Variants in EFNA4 observed in about 807,000 individuals in gnomAD.
The protein encoded by EFNA4 is ephrin-A4.
In EFNA4, 22 loss-of-function variants were observed where a neutral mutation model predicts 23.7. That is an observed-to-expected ratio of 0.93 (90% CI 0.66 to 1.32). The LOEUF is 1.32. EFNA4 is among the 40% of genes most tolerant of loss of function. The pLI is 0.00. For synonymous variants in EFNA4, 113 were observed against 108.3 expected (o/e 1.04, Z -0.27); for missense variants, 252 against 252.3 (o/e 1.00, Z 0.01).
chr1:155,067,454 G>A lies in EFNA4; in HGVS notation c.469+14G>A. On this transcript the variant is annotated intron_variant, in intron 3 of 3. Coordinates refer to ENST00000368409, the MANE Select transcript of EFNA4 (RefSeq NM_005227.3). ...GCAAGGAGAGGAGTAAGTGGGTTGG[G>A]AGCATGGACCCTACTGGCTAATGTG... The A allele has an allele frequency of 1.2e-6, 2 of 1,614,128 alleles. No individual in the cohort carries two copies. Among genetic ancestry groups the A allele is most frequent in the Middle Eastern group, 1.6e-4 (1 of 6,062 alleles).
chr1:155,069,093 C>G lies in EFNA4; in HGVS notation c.*104C>G. Reference sequence around the variant, plus strand: ...CTGCACTGGGGGTGCCAATTCAGACCGACAAGATGGAGCATTGATGGGGGA... The same window carrying G: ...CTGCACTGGGGGTGCCAATTCAGACGGACAAGATGGAGCATTGATGGGGGA... On this transcript the variant is annotated 3_prime_UTR_variant, in exon 4 of 4. Coordinates refer to ENST00000368409, the MANE Select transcript of EFNA4 (RefSeq NM_005227.3). The G allele has an allele frequency of 6.2e-7, 1 of 1,610,866 alleles. No individual in the cohort carries two copies. Among genetic ancestry groups the G allele is most frequent in the South Asian group, 1.1e-5 (1 of 90,858 alleles).
chr1:155,068,911 A>AG lies in EFNA4; in HGVS notation c.535dup (p.Asp179GlyfsTer65), dbSNP rs754580525. 5 of 1,613,552 alleles carry AG rather than the reference A, an allele frequency of 3.1e-6. No individual in the cohort carries two copies. Among genetic ancestry groups the AG allele is most frequent in the African/African-American group, 1.3e-5 (1 of 74,780 alleles). ...GAGAGAGTGGCACATCAGGGTGGCG[A>AG]GGGGGGGACACTCCCAGCCCCCTCT... is the stretch of plus-strand genomic sequence containing the variant. On this transcript the variant is annotated frameshift_variant, in exon 4 of 4. Coordinates refer to ENST00000368409, the MANE Select transcript of EFNA4 (RefSeq NM_005227.3). LOFTEE classifies it high-confidence loss of function.
chr1:155,066,565 T>G (rs1279172046), intron 1 of EFNA4, among the ~76,000 whole-genome samples, 165 bp from the exon 2 acceptor site: 4 of 152,202 alleles, frequency 2.6e-5, no homozygotes, highest in Non-Finnish European at 5.9e-5. Context: ...TCTCTTTGTC[T>G]CTCAAGAGTT....
chr1:155,067,112 A>T (rs1319819620), intron 2 of EFNA4, 96 bp downstream of exon 2: 1 of 1,425,252 alleles, frequency 7.0e-7, no homozygotes, highest in Non-Finnish European at 9.5e-7. Flanking sequence ...TGGGTCTCTA[A>T]TGTACATCGG....
At position 155,068,390 on chromosome 1, in the gene EFNA4, C is replaced by T. The variant is rs1035939619; in HGVS notation, c.470-463C>T. Among the ~76,000 whole-genome samples the T allele has an allele frequency of 2.9e-5, 4 of 137,726 alleles. 1 individual carries two copies. The highest frequency in any genetic ancestry group is 1.1e-4 in the African/African-American group (4 of 37,674). 90.4% of individuals were successfully genotyped at this position (137,726 alleles called of 152,430 possible). On this transcript the variant is annotated intron_variant, in intron 3 of 3. Transcript: ENST00000368409. ...AAGCAATTCTCCTGCCTCAGTATTC[C>T]GAGTAGCTAGGACTACAGGTGTGTG... is the stretch of plus-strand genomic sequence containing the variant.
chr1:155,064,039 C>G (rs1407942036), intron 1 of EFNA4, 103 bp downstream of exon 1: 5 of 874,068 alleles, frequency 5.7e-6, no homozygotes, highest in Non-Finnish European at 8.0e-6. Flanking sequence ...TGAGCCTGGC[C>G]GCGCGCCGGG....
chr1:155,064,210 G>T (rs1467465255), intron 1 of EFNA4, among the ~76,000 whole-genome samples: 3 of 152,214 alleles, frequency 2.0e-5, no homozygotes, highest in African/African-American at 7.2e-5. Flanking sequence ...GCCTTTGCCC[G>T]CACTCCGGGC....
Position 155,066,815 on chromosome 1 carries a change from C to T in EFNA4, c.199C>T (p.Pro67Ser), listed in dbSNP as rs1663057149. The change falls in exon 2 of 4, where the codon CCT becomes TCT. Residue 67 changes from proline to serine, a missense_variant. Pro to Ser is a moderately conservative substitution (Grantham distance 74, BLOSUM62 -1). Coordinates refer to ENST00000368409, the MANE Select transcript of EFNA4 (RefSeq NM_005227.3). Reference sequence around the variant, plus strand: ...CCCCCACTACGAAGGCCCAGGGCCCCCTGAGGGCCCCGAGACGTTTGCTTT... The same window carrying T: ...CCCCCACTACGAAGGCCCAGGGCCCTCTGAGGGCCCCGAGACGTTTGCTTT... The part of the protein sequence containing the change: ...VCPHYEGPGP[P>S]EGPETFALYM... 2.5e-6 allele frequency: 4 copies of T among 1,613,806 alleles called. No homozygotes were observed. In the South Asian group the frequency reaches 3.3e-5, roughly 13 times the overall value.
chr1:155,066,211 T>C (rs1384941709), intron 1 of EFNA4, among the ~76,000 whole-genome samples: 2 of 152,146 alleles, frequency 1.3e-5, no homozygotes, highest in Admixed American at 1.3e-4. Context: ...CACCCTTGGG[T>C]TGAAGTCAGT....
chr1:155,066,909 T>A lies in EFNA4; in HGVS notation c.293T>A (p.Val98Glu). ...GGCCCCCGGGCCTACAAGCGCTGGG[T>A]GTGCTCCCTGCCCTTTGGCCATGTT... Reference protein sequence around the residue: ...AEGPRAYKRWVCSLPFGHVQF... With the variant: ...AEGPRAYKRWECSLPFGHVQF... Residue 98 changes from valine (V) to glutamate (E), a missense_variant, in exon 2 of 4, where the codon GTG (valine) becomes GAG (glutamate). Physicochemically the swap from Val to Glu is moderately radical, Grantham distance 121 (BLOSUM62 -2). Transcript: ENST00000368409. 1 of 1,614,104 alleles carries A rather than the reference T, an allele frequency of 6.2e-7. No individual in the cohort carries two copies. Among genetic ancestry groups the A allele is most frequent in the Non-Finnish European group, 8.5e-7 (1 of 1,180,028 alleles).
chr1:155,068,884 TG>T lies in EFNA4; in HGVS notation c.503del (p.Gly168GlufsTer26). Reference sequence around the variant, plus strand: ...AGTCAGCCCATCCTGTTGGGAGCCCTGGAGAGAGTGGCACATCAGGGTGGCG... The same window carrying T: ...AGTCAGCCCATCCTGTTGGGAGCCCTGAGAGAGTGGCACATCAGGGTGGCG... ...SESAHPVGSP[G>X]ESGTSGWRGG... On this transcript the variant is annotated frameshift_variant, in exon 4 of 4. Coordinates refer to ENST00000368409, the MANE Select transcript of EFNA4 (RefSeq NM_005227.3). LOFTEE classifies it high-confidence loss of function. 6.2e-7 allele frequency: 1 copy of T among 1,613,786 alleles called. No individual in the cohort carries two copies. The highest frequency in any genetic ancestry group is 8.5e-7 in the Non-Finnish European group (1 of 1,179,880).
chr1:155,067,480 G>A, intron 3 of EFNA4, 40 bp downstream of exon 3: 1 of 1,609,842 alleles, frequency 6.2e-7, no homozygotes, highest in African/African-American at 1.3e-5. Flanking sequence ...GGCTAATGTG[G>A]GGCCTTGGGA....
chr1:155,068,425 T>TG, intron 3 of EFNA4, among the ~76,000 whole-genome samples: 1 of 131,158 alleles, frequency 7.6e-6, no homozygotes, highest in Admixed American at 8.1e-5. Context: ...GCCACCCAGC[T>TG]GATTTTTTTT....
intron 2 of EFNA4, 33 bp from the exon 3 acceptor site, chr1:155,067,339 G>T: frequency 1.2e-6 from 2 of 1,613,232 alleles, no homozygotes; most frequent in Non-Finnish European, 1.7e-6. Context: ...GTGACTCCCT[G>T]TGCTAACTTT....
chr1:155,067,083 C>A lies in EFNA4; in HGVS notation c.400+67C>A, dbSNP rs1263122681. 28 of 1,526,194 alleles carry A rather than the reference C, an allele frequency of 1.8e-5. No individual in the cohort carries two copies. The South Asian group carries it at 3.3e-4, about 18-fold the overall frequency. 94.5% of individuals were successfully genotyped at this position (1,526,194 alleles called of 1,614,324 possible). ...AAGGGTAGGGAGGGGGAAGGAGAGG[C>A]CTGGAAGGAGGAGGGGGCTGGGTCT... On this transcript the variant is annotated intron_variant, in intron 2 of 3. Coordinates refer to ENST00000368409, the MANE Select transcript of EFNA4 (RefSeq NM_005227.3).
intron 3 of EFNA4, among the ~76,000 whole-genome samples, chr1:155,067,989 T>C (rs1207357124): frequency 6.6e-6 from 1 of 151,968 alleles, no homozygotes; most frequent in Non-Finnish European, 1.5e-5. Context: ...GGCACGATCA[T>C]ACCTCTCTGC....
intron 1 of EFNA4, among the ~76,000 whole-genome samples, chr1:155,066,121 G>A (rs973848197): frequency 1.3e-4 from 19 of 151,826 alleles, no homozygotes; most frequent in African/African-American, 4.4e-4. Context: ...CTCCCACCTC[G>A]GCCTCCCAAA....
In EFNA4 at chr1:155,066,861, GC is replaced by G; in HGVS notation, c.246del (p.Tyr83MetfsTer63). ...TFALYMVDWPGYESCQAEGPR... is the reference protein window; with the variant it reads ...TFALYMVDWPXYESCQAEGPR... ...GCTTTGTACATGGTGGACTGGCCAG[GC>G]TATGAGTCCTGCCAGGCAGAGGGCC... On this transcript the variant is annotated frameshift_variant, in exon 2 of 4. Coordinates refer to ENST00000368409, the MANE Select transcript of EFNA4 (RefSeq NM_005227.3). LOFTEE classifies it high-confidence loss of function. 2 of 1,614,084 alleles carry G rather than the reference GC, an allele frequency of 1.2e-6. No individual in the cohort carries two copies. Among genetic ancestry groups the G allele is most frequent in the Non-Finnish European group, 8.5e-7 (1 of 1,180,032 alleles).
Position 155,069,089 on chromosome 1 carries a change from A to G in EFNA4, c.*100A>G, listed in dbSNP as rs763533997. The stretch of plus-strand genomic sequence containing the variant: ...CTGCCTGCACTGGGGGTGCCAATTC[A>G]GACCGACAAGATGGAGCATTGATGG... On this transcript the variant is annotated 3_prime_UTR_variant, in exon 4 of 4. Coordinates refer to ENST00000368409, the MANE Select transcript of EFNA4 (RefSeq NM_005227.3). 90 of 1,610,950 alleles carry G rather than the reference A, an allele frequency of 5.6e-5. No homozygotes were observed. In the South Asian group the frequency reaches 9.2e-4, roughly 17 times the overall value.
Sources: gnomAD v4.1 joint callset for allele counts (sites outside exome capture counted in the v4.1 genomes callset) on GRCh38, gnomAD v4.1.1 for gene constraint, MANE v1.5 for transcripts, NCBI Gene and HGNC (gene_info 2026-07-23, HGNC 2026-07-21) for gene names.